The following CNTNAP2 variants were observed in gnomAD, a reference collection of about 807,000 sequenced individuals.
CNTNAP2 encodes the protein contactin associated protein 2.
In CNTNAP2, 98 loss-of-function variants were observed where a neutral mutation model predicts 155.2. That is an observed-to-expected ratio of 0.63 (90% CI 0.54 to 0.75). CNTNAP2 has a LOEUF of 0.75. CNTNAP2 is among the 30% of genes least tolerant of loss of function. CNTNAP2 has a pLI of 0.00. For missense variants in CNTNAP2, 1,727 were observed against 1,688.1 expected (o/e 1.02, Z -0.40); for synonymous variants, 651 against 631.2 (o/e 1.03, Z -0.47).
At chr7:147,835,073 C>A (rs1373497316) in intron 13 of CNTNAP2, among the ~76,000 whole-genome samples, 7 of 152,128 alleles carry the variant, frequency 4.6e-5, no homozygotes, top group Admixed American at 4.6e-4. Flanking sequence ...GCCCCGGCTA[C>A]CAAAGTATCA....
At chr7:148,344,524 C>T (rs1003534114) in intron 21 of CNTNAP2, among the ~76,000 whole-genome samples, 4 of 152,168 alleles carry the variant, frequency 2.6e-5, no homozygotes, top group East Asian at 3.8e-4. Flanking sequence ...CTTATTCACA[C>T]AAGCAGTCCT....
At chr7:146,965,928 C>T (rs1165822213) in intron 3 of CNTNAP2, among the ~76,000 whole-genome samples, 2 of 152,162 alleles carry the variant, frequency 1.3e-5, no homozygotes, top group Non-Finnish European at 2.9e-5. Flanking sequence ...GGTATCTCCT[C>T]TAAAATATCA....
intron 2 of CNTNAP2, among the ~76,000 whole-genome samples, chr7:146,809,477 T>A (rs1209426717): frequency 6.6e-6 from 1 of 152,122 alleles, no homozygotes; most frequent in African/African-American, 2.4e-5. Context: ...TTCTCTTTCC[T>A]CAGCCTCCAG....
chr7:147,728,314 T>C (rs112363667), intron 13 of CNTNAP2, among the ~76,000 whole-genome samples: 163 of 152,150 alleles, frequency 1.1e-3, no homozygotes, highest in African/African-American at 3.6e-3. Flanking sequence ...TGAAGCGAAG[T>C]TCGGAAGTTG....
intron 13 of CNTNAP2, among the ~76,000 whole-genome samples, chr7:147,816,585 C>T (rs1437157544): frequency 6.6e-6 from 1 of 152,046 alleles, no homozygotes; most frequent in African/African-American, 2.4e-5. Context: ...TGCTTGGGAA[C>T]TCTTTTTCAA....
At chr7:148,086,120 C>T (rs146718166) in intron 15 of CNTNAP2, among the ~76,000 whole-genome samples, 340 of 152,250 alleles carry the variant, frequency 2.2e-3, no homozygotes, top group African/African-American at 7.7e-3. Context: ...GTTTGCCCAA[C>T]TAGAAATTGA....
At chr7:148,362,931 C>A (rs1010054687) in intron 21 of CNTNAP2, among the ~76,000 whole-genome samples, 2 of 152,156 alleles carry the variant, frequency 1.3e-5, no homozygotes, top group African/African-American at 4.8e-5. Context: ...CCCATACAAC[C>A]ACTCTTTTCA....
chr7:147,749,600 T>C (rs1584936446), intron 13 of CNTNAP2, among the ~76,000 whole-genome samples: 2 of 152,208 alleles, frequency 1.3e-5, no homozygotes, highest in East Asian at 3.9e-4. Context: ...ATTTTTCAGC[T>C]ATTATATTGT....
At chr7:146,153,708 T>C (rs896021763) in intron 1 of CNTNAP2, among the ~76,000 whole-genome samples, 1 of 152,200 alleles carries the variant, frequency 6.6e-6, no homozygotes, top group African/African-American at 2.4e-5. Flanking sequence ...CTTTATTACT[T>C]TGGAGACCTA....
intron 13 of CNTNAP2, among the ~76,000 whole-genome samples, chr7:147,872,159 T>C (rs1443256171): frequency 6.6e-6 from 1 of 152,170 alleles, no homozygotes; most frequent in Non-Finnish European, 1.5e-5. Context: ...AAATAACATA[T>C]AAGGCATGAT....
At chr7:147,398,064 A>G (rs1298807529) in intron 10 of CNTNAP2, among the ~76,000 whole-genome samples, 1 of 152,124 alleles carries the variant, frequency 6.6e-6, no homozygotes, top group African/African-American at 2.4e-5. Context: ...CAAAATCTTA[A>G]GCATGAAGTG....
chr7:147,949,115 C>T (rs966099486), intron 14 of CNTNAP2, among the ~76,000 whole-genome samples: 9 of 151,546 alleles, frequency 5.9e-5, no homozygotes, highest in African/African-American at 1.9e-4. Flanking sequence ...GCAGGAGAAT[C>T]GCTTGAACCC....
intron 1 of CNTNAP2, among the ~76,000 whole-genome samples, chr7:146,190,348 A>G: frequency 8.9e-6 from 1 of 112,622 alleles, no homozygotes; most frequent in East Asian, 1.9e-4. Context: ...GTTGTACTTC[A>G]TCAACTTAGA....
At chr7:148,039,185 G>C (rs1049064083) in intron 15 of CNTNAP2, among the ~76,000 whole-genome samples, 1 of 152,202 alleles carries the variant, frequency 6.6e-6, no homozygotes, top group South Asian at 2.1e-4. Context: ...GTAACTCTTA[G>C]TCTGAGGCTG....
chr7:146,569,674 A>G (rs1289999356), intron 1 of CNTNAP2, among the ~76,000 whole-genome samples: 2 of 152,200 alleles, frequency 1.3e-5, no homozygotes, highest in African/African-American at 4.8e-5. Context: ...AAGCTGACTG[A>G]CAACTTCAAA....
intron 1 of CNTNAP2, among the ~76,000 whole-genome samples, chr7:146,497,144 C>T (rs1797230804): frequency 6.6e-6 from 1 of 152,142 alleles, no homozygotes; most frequent in Non-Finnish European, 1.5e-5. Context: ...ACCTACTTAC[C>T]ACTTCTACTT....
chr7:146,995,952 C>A (rs77682353), intron 3 of CNTNAP2, among the ~76,000 whole-genome samples: 4,848 of 152,032 alleles, frequency 0.032, 263 homozygotes, highest in African/African-American at 0.11. Context: ...CAAAACAAAA[C>A]AAAACAAACC....
chr7:148,311,476 A>C (rs552730044), intron 21 of CNTNAP2, among the ~76,000 whole-genome samples: 1 of 152,270 alleles, frequency 6.6e-6, no homozygotes, highest in African/African-American at 2.4e-5. Context: ...TGAGTATAAA[A>C]GTAAAGAATA....
chr7:148,233,771 T>C (rs1796002527), intron 20 of CNTNAP2, among the ~76,000 whole-genome samples: 1 of 152,222 alleles, frequency 6.6e-6, no homozygotes, highest in Admixed American at 6.5e-5. Flanking sequence ...TGTTTTGGAA[T>C]GTGTCCCTGT....
Sources: allele counts gnomAD v4.1 joint callset (sites outside exome capture counted in the v4.1 genomes callset), GRCh38; gene constraint gnomAD v4.1.1; transcripts MANE v1.5; gene names NCBI Gene and HGNC (gene_info 2026-07-23, HGNC 2026-07-21).